Variants in ANKMY1 observed in about 807,000 individuals in gnomAD.
The protein encoded by ANKMY1 is ankyrin repeat and MYND domain-containing protein 1.
In ANKMY1, 98 loss-of-function variants were observed where a neutral mutation model predicts 102.0. The observed-to-expected ratio is 0.96, with a 90% CI of 0.82 to 1.14. The LOEUF (loss-of-function observed/expected upper bound fraction) is 1.14. Ranked by LOEUF, ANKMY1 falls within the 50% of genes most tolerant of loss-of-function variation. ANKMY1 has a pLI of 0.00. For synonymous variants in ANKMY1, 582 were observed against 559.9 expected (o/e 1.04, Z -0.56); for missense variants, 1,330 against 1,347.6 (o/e 0.99, Z 0.20).
chr2:240,536,616 A>G (rs896661823), intron 4 of ANKMY1, among the ~76,000 whole-genome samples: 1 of 152,238 alleles, frequency 6.6e-6, no homozygotes, highest in African/African-American at 2.4e-5. Context: ...TGTCTCTAAA[A>G]ACAAACAAAA....
chr2:240,514,786 G>T (rs1210518159), intron 9 of ANKMY1, among the ~76,000 whole-genome samples: 1 of 152,244 alleles, frequency 6.6e-6, no homozygotes, highest in African/African-American at 2.4e-5. Context: ...CAACTGCGCA[G>T]CATGGTGGAG....
At chr2:240,528,336 C>A (rs1290153044) in intron 5 of ANKMY1, among the ~76,000 whole-genome samples, 1 of 140,640 alleles carries the variant, frequency 7.1e-6, no homozygotes, top group Non-Finnish European at 1.5e-5. Flanking sequence ...TAGGTAGTGG[C>A]TGACTTTTCT....
At chr2:240,517,191 C>T (rs908382668) in intron 9 of ANKMY1, among the ~76,000 whole-genome samples, 3 of 152,204 alleles carry the variant, frequency 2.0e-5, no homozygotes, top group Non-Finnish European at 4.4e-5. Flanking sequence ...TGGAATGGCA[C>T]ATTTTCAGAA....
chr2:240,503,508 A>AG (rs1199284654), intron 13 of ANKMY1, among the ~76,000 whole-genome samples: 2 of 152,164 alleles, frequency 1.3e-5, no homozygotes, highest in Non-Finnish European at 2.9e-5. Context: ...CCAGGGAGTC[A>AG]GGGGGGCCCA....
chr2:240,530,122 G>A (rs1390148900), intron 4 of ANKMY1, among the ~76,000 whole-genome samples: 1 of 152,212 alleles, frequency 6.6e-6, no homozygotes, highest in Non-Finnish European at 1.5e-5. Context: ...TGTAGGCAGT[G>A]GAGGCCACAG....
At chr2:240,549,148 G>T (rs373923575) in intron 4 of ANKMY1, among the ~76,000 whole-genome samples, 9 of 151,598 alleles carry the variant, frequency 5.9e-5, no homozygotes, top group Non-Finnish European at 8.8e-5. Flanking sequence ...AACAGCATGG[G>T]ACTGGTACCA....
the ANKMY1 span, among the ~76,000 whole-genome samples, chr2:240,470,591 C>T: frequency 2.2e-4 from 34 of 152,172 alleles, no homozygotes; most frequent in African/African-American, 8.0e-4. Context: ...CCCATGTTTA[C>T]ACTCAATCTG....
At chr2:240,498,293 T>TGGG (rs199604683) in intron 15 of ANKMY1, among the ~76,000 whole-genome samples, 5 of 50,752 alleles carry the variant, frequency 9.9e-5, no homozygotes, top group African/African-American at 3.5e-4. Flanking sequence ...GTGTTGGGGG[T>TGGG]GGGGGGGGTT....
chr2:240,543,692 C>A (rs1444994739), intron 4 of ANKMY1, among the ~76,000 whole-genome samples: 1 of 151,940 alleles, frequency 6.6e-6, no homozygotes, highest in Admixed American at 6.6e-5. Context: ...ATAAATGATA[C>A]ATAAATAATC....
intron 9 of ANKMY1, among the ~76,000 whole-genome samples, chr2:240,515,103 G>C (rs2080938610): frequency 6.6e-6 from 1 of 152,164 alleles, no homozygotes; most frequent in African/African-American, 2.4e-5. Context: ...GATTGCAAGG[G>C]GCAATTCTGA....
At chr2:240,510,285 C>T (rs574386174) in intron 11 of ANKMY1, among the ~76,000 whole-genome samples, 3 of 146,584 alleles carry the variant, frequency 2.0e-5, no homozygotes, top group Non-Finnish European at 4.5e-5. Context: ...CCCTCCTCCC[C>T]ACATCCTTGC....
At position 240,557,183 on chromosome 2, in the gene ANKMY1, C is replaced by A. The variant is rs770363914; in HGVS notation, c.146+7G>T. 1 of 1,515,290 alleles carries A rather than the reference C, an allele frequency of 6.6e-7. No individual in the cohort carries two copies. The highest frequency in any genetic ancestry group is 8.9e-7 in the Non-Finnish European group (1 of 1,124,898). 93.9% of individuals were successfully genotyped at this position (1,515,290 alleles called of 1,614,324 possible). A position where few individuals can be genotyped will look rare whatever the true frequency, so the allele number is the denominator to read the frequency against. On this transcript the variant is annotated splice_region_variant and intron_variant, in intron 2 of 17. Transcript: ENST00000401804. ...GTCGGACCTCCCCGCTGGAGGGTCC[C>A]CCGCACCTTGTGGCGAAGACAGCGT...
At chr2:240,545,114 A>G (rs532001124) in intron 4 of ANKMY1, among the ~76,000 whole-genome samples, 1 of 151,440 alleles carries the variant, frequency 6.6e-6, no homozygotes, top group Non-Finnish European at 1.5e-5. Flanking sequence ...TCCCTGTCTG[A>G]CAGCTTTGAA....
chr2:240,558,476 G>A (rs1177951086), upstream of ANKMY1: 1 of 152,330 alleles, frequency 6.6e-6, no homozygotes, highest in Non-Finnish European at 1.5e-5. Flanking sequence ...TGGACCCTCC[G>A]AGGGCCTCGG....
chr2:240,496,503 A>G (rs1262156559), intron 15 of ANKMY1, among the ~76,000 whole-genome samples: 1 of 152,048 alleles, frequency 6.6e-6, no homozygotes, highest in Non-Finnish European at 1.5e-5. Context: ...CTCTGAGGAC[A>G]TGTTCATTTT....
chr2:240,530,641 G>C (rs12613288), intron 4 of ANKMY1, among the ~76,000 whole-genome samples: 1 of 152,054 alleles, frequency 6.6e-6, no homozygotes, highest in African/African-American at 2.4e-5. Context: ...TTGCGGCAAC[G>C]TGAGAATGGC....
At chr2:240,536,067 T>G (rs2086657413) in intron 4 of ANKMY1, among the ~76,000 whole-genome samples, 1 of 152,080 alleles carries the variant, frequency 6.6e-6, no homozygotes. Context: ...AAAAACTATC[T>G]AGAGCCTGAA....
upstream of ANKMY1, chr2:240,560,444 C>A: frequency 2.1e-6 from 1 of 478,832 alleles, no homozygotes; most frequent in Non-Finnish European, 3.3e-6. Context: ...CGGTCCAAGG[C>A]CCCGGCGCCC....
chr2:240,477,316 C>CA (rs201537310), downstream of ANKMY1, among the ~76,000 whole-genome samples: 613 of 151,778 alleles, frequency 4.0e-3, 4 homozygotes, highest in African/African-American at 0.014. Flanking sequence ...AACTCTGTCT[C>CA]AAAAAAAATA....
Sources: allele counts gnomAD v4.1 joint callset (sites outside exome capture counted in the v4.1 genomes callset), GRCh38; gene constraint gnomAD v4.1.1; transcripts MANE v1.5; gene names NCBI Gene and HGNC (gene_info 2026-07-23, HGNC 2026-07-21).